The following ZNF84 variants were observed in gnomAD, a reference collection of about 807,000 sequenced individuals.
The protein encoded by ZNF84 is zinc finger protein HPF2.
ZNF84 carries 12 observed loss-of-function variants against 14.8 expected under a neutral mutation model. That is an observed-to-expected ratio of 0.81 (90% CI 0.52 to 1.31). ZNF84 has a LOEUF of 1.31. ZNF84 is among the 50% of genes most tolerant of loss of function. The probability of loss-of-function intolerance (pLI) is 0.00; values close to 1 mark genes in which losing one functional copy is unlikely to be tolerated. For synonymous variants in ZNF84, 347 were observed against 291.1 expected (o/e 1.19, Z -1.96); for missense variants, 859 against 878.6 (o/e 0.98, Z 0.28).
intron 4 of ZNF84, among the ~76,000 whole-genome samples, chr12:133,050,089 G>A (rs1290744610): frequency 2.0e-5 from 3 of 152,174 alleles, no homozygotes; most frequent in South Asian, 2.1e-4. Context: ...AGATACTTAT[G>A]TGAGTGTAAG....
chr12:133,038,043 CTT>C (rs1196851874), intron 1 of ZNF84: 1 of 152,006 alleles, frequency 6.6e-6, no homozygotes. Context: ...TTTTAAGTGA[CTT>C]TTGCTTTTGG....
At chr12:133,045,697 ATTTT>A (rs1219697078) in intron 2 of ZNF84, among the ~76,000 whole-genome samples, 1 of 151,686 alleles carries the variant, frequency 6.6e-6, no homozygotes, top group Non-Finnish European at 1.5e-5. Flanking sequence ...AAGTGATGTG[ATTTT>A]TTTTCTTTCT....
intron 3 of ZNF84, 47 bp downstream of exon 3, chr12:133,048,128 C>T: frequency 1.3e-6 from 2 of 1,531,194 alleles, no homozygotes; most frequent in South Asian, 1.3e-5. Flanking sequence ...CAATGCATTG[C>T]CTTTTATTTT....
chr12:133,039,886 T>C (rs1341072951), intron 1 of ZNF84, among the ~76,000 whole-genome samples: 1 of 151,992 alleles, frequency 6.6e-6, no homozygotes, highest in Non-Finnish European at 1.5e-5. Context: ...AGTTTCCCTT[T>C]TGTTGCACCA....
chr12:133,043,212 CTG>C (rs1953916010), intron 2 of ZNF84, among the ~76,000 whole-genome samples: 1 of 152,126 alleles, frequency 6.6e-6, no homozygotes, highest in Non-Finnish European at 1.5e-5. Context: ...GAGTCTCACT[CTG>C]TCACCCAGGC....
At chr12:133,046,368 T>G (rs1332712955) in intron 2 of ZNF84, among the ~76,000 whole-genome samples, 5 of 69,708 alleles carry the variant, frequency 7.2e-5, no homozygotes, top group Non-Finnish European at 1.1e-4. Context: ...TTTTTTTTTT[T>G]TTTTTTTTTT....
intron 4 of ZNF84, among the ~76,000 whole-genome samples, chr12:133,053,457 G>C (rs1222568725): frequency 1.3e-5 from 2 of 152,154 alleles, no homozygotes; most frequent in African/African-American, 4.8e-5. Flanking sequence ...AGGCCTAACA[G>C]TGTCAATTGT....
chr12:133,044,729 C>T (rs1006937729), intron 2 of ZNF84, among the ~76,000 whole-genome samples: 19 of 151,898 alleles, frequency 1.3e-4, no homozygotes, highest in African/African-American at 4.4e-4. Flanking sequence ...TCCTGGCCAA[C>T]ATGGTGAAAG....
intron 2 of ZNF84, among the ~76,000 whole-genome samples, chr12:133,041,754 G>C (rs908109924): frequency 2.0e-5 from 3 of 152,144 alleles, no homozygotes; most frequent in Admixed American, 1.3e-4. Context: ...TTTGGTAGTC[G>C]TAATAGAGAA....
chr12:133,063,110 A>G lies in ZNF84; in HGVS notation c.*4178A>G, dbSNP rs1477807541. On this transcript the variant is annotated 3_prime_UTR_variant, in exon 5 of 5. Coordinates refer to ENST00000539354, the MANE Select transcript of ZNF84 (RefSeq NM_001289971.2). ...GCTGTTTTCTGCCACATGGAGAAAC[A>G]TGGTCTGCAGTGAGAGAGAAGAATG... The G allele has an allele frequency of 1.9e-5, 13 of 702,364 alleles. No individual in the cohort carries two copies. Among genetic ancestry groups the G allele is most frequent in the African/African-American group, 1.7e-4 (10 of 57,378 alleles). The allele number at this position is 702,364 out of a possible 1,614,324, so 43.5% of individuals were successfully genotyped here.
chr12:133,044,677 A>G (rs1953946696), intron 2 of ZNF84, among the ~76,000 whole-genome samples: 1 of 152,050 alleles, frequency 6.6e-6, no homozygotes, highest in Admixed American at 6.6e-5. Flanking sequence ...GCACTTTGGG[A>G]GGCCGAGTAG....
At position 133,060,388 on chromosome 12, in the gene ZNF84, C is replaced by G. The variant is rs1308389171; in HGVS notation, c.*1456C>G. The G allele has an allele frequency of 2.0e-5, 3 of 152,188 alleles. No individual in the cohort carries two copies. The highest frequency in any genetic ancestry group is 7.2e-5 in the African/African-American group (3 of 41,452). The allele number at this position is 152,188 out of a possible 1,614,324, so 9.4% of individuals were successfully genotyped here. A position where few individuals can be genotyped will look rare whatever the true frequency, so the allele number is the denominator to read the frequency against. On this transcript the variant is annotated 3_prime_UTR_variant, in exon 5 of 5. Transcript: ENST00000539354. Reference sequence around the variant, plus strand: ...AATTTCTGTGGTCCCTGGAAAAGTACAGATGATCCTGGACTTACAGTGGGG... The same window carrying G: ...AATTTCTGTGGTCCCTGGAAAAGTAGAGATGATCCTGGACTTACAGTGGGG...
chr12:133,038,206 T>C (rs1020824867), intron 1 of ZNF84, among the ~76,000 whole-genome samples: 2 of 152,196 alleles, frequency 1.3e-5, no homozygotes, highest in African/African-American at 4.8e-5. Flanking sequence ...CTTTCAAATA[T>C]TCTTGTATTC....
Position 133,057,563 on chromosome 12 carries a change from G to C in ZNF84, c.848G>C (p.Arg283Pro). 1 of 1,614,066 alleles carries C rather than the reference G, an allele frequency of 6.2e-7. No homozygotes were observed. Among genetic ancestry groups the C allele is most frequent in the Admixed American group, 1.7e-5 (1 of 60,000 alleles). ...AAGTCACAGCTCACATCCCATCAGC[G>C]GACACATACAGGAGAGAAACCTTAT... ...SQKSQLTSHQRTHTGEKPYEC... is the reference protein window; with the variant it reads ...SQKSQLTSHQPTHTGEKPYEC... The change falls in exon 5 of 5, where the codon CGG (arginine) becomes CCG (proline). Residue 283 changes from arginine (R) to proline (P), a missense_variant. Arg to Pro is a moderately radical substitution (Grantham distance 103, BLOSUM62 -2). Transcript: ENST00000539354.
chr12:133,047,415 A>G (rs1011633201), intron 2 of ZNF84, among the ~76,000 whole-genome samples: 22 of 152,346 alleles, frequency 1.4e-4, no homozygotes, highest in Admixed American at 1.2e-3. Flanking sequence ...ACATCTGCCC[A>G]GCAGCTGCCT....
chr12:133,039,097 A>G (rs1203325335), intron 1 of ZNF84: 1 of 152,222 alleles, frequency 6.6e-6, no homozygotes, highest in Non-Finnish European at 1.5e-5. Flanking sequence ...AATAATAATT[A>G]TAGCTAGTAT....
chr12:133,049,545 G>A (rs1954039286), intron 4 of ZNF84, among the ~76,000 whole-genome samples: 1 of 151,860 alleles, frequency 6.6e-6, no homozygotes, highest in Admixed American at 6.6e-5. Flanking sequence ...GTGCAGTGGT[G>A]CGATCTTGGC....
rs1954270108 is a variant in ZNF84, at chr12:133,061,848, A to ATTT, written c.*2916_*2917insTTT. On this transcript the variant is annotated 3_prime_UTR_variant, in exon 5 of 5. Transcript: ENST00000539354. ...ATGCAGAGGTTCAAATACGTTGTGC[A>ATTT]GTAATCACTAGAACTCACCTTCTAA... The ATTT allele has an allele frequency of 6.6e-6, 1 of 152,238 alleles. No individual in the cohort carries two copies. The allele number at this position is 152,238 out of a possible 1,614,324, so 9.4% of individuals were successfully genotyped here. A position where few individuals can be genotyped will look rare whatever the true frequency, so the allele number is the denominator to read the frequency against.
intron 1 of ZNF84, among the ~76,000 whole-genome samples, chr12:133,039,902 G>C (rs1953856626): frequency 6.6e-6 from 1 of 151,416 alleles, no homozygotes; most frequent in Non-Finnish European, 1.5e-5. Flanking sequence ...CACCAGGCTG[G>C]AGTACAATGG....
Sources: gnomAD v4.1 joint callset for allele counts (sites outside exome capture counted in the v4.1 genomes callset) on GRCh38, gnomAD v4.1.1 for gene constraint, MANE v1.5 for transcripts, NCBI Gene and HGNC (gene_info 2026-07-23, HGNC 2026-07-21) for gene names.